LRMDA: variants seen among roughly 807,000 people sequenced by gnomAD.
The protein encoded by LRMDA is leucine rich melanocyte differentiation associated.
In LRMDA, 18 loss-of-function variants were observed where a neutral mutation model predicts 29.8. That is an observed-to-expected ratio of 0.60 (90% CI 0.42 to 0.90). The LOEUF is 0.90. LRMDA is among the 40% of genes least tolerant of loss of function. The pLI, the probability that LRMDA is intolerant of heterozygous loss-of-function variation, is 0.00. For synonymous variants in LRMDA, 125 were observed against 109.4 expected (o/e 1.14, Z -0.89); for missense variants, 273 against 273.9 (o/e 1.00, Z 0.02).
intron 3 of LRMDA, among the ~76,000 whole-genome samples, chr10:76,037,258 G>T (rs1187117804): frequency 1.3e-5 from 2 of 152,178 alleles, no homozygotes; most frequent in East Asian, 1.9e-4. Context: ...AGACTCAGTG[G>T]TCCAATGGCT....
At chr10:76,007,168 A>G (rs1431458438) in intron 2 of LRMDA, among the ~76,000 whole-genome samples, 3 of 152,088 alleles carry the variant, frequency 2.0e-5, no homozygotes, top group Non-Finnish European at 4.4e-5. Flanking sequence ...AAAGTGCTCA[A>G]ATTGAGCCAT....
rs1851416678 is a variant in LRMDA at position 76,201,015 on chromosome 10, C to T, written c.517-123386C>T. ...TACAGGCGTGAGCCACCATGCCTGG[C>T]CAATTTTTTTTATTTCGTAACGCTT... On this transcript the variant is annotated intron_variant, in intron 5 of 6. Coordinates refer to ENST00000611255, the MANE Select transcript of LRMDA (RefSeq NM_001305581.2). Among the ~76,000 whole-genome samples, 4 of 149,468 alleles carry T rather than the reference C, an allele frequency of 2.7e-5. No individual in the cohort carries two copies. In the South Asian group the frequency reaches 8.5e-4, roughly 32 times the overall value.
chr10:75,518,216 T>C (rs2132035838), intron 2 of LRMDA, among the ~76,000 whole-genome samples: 1 of 152,334 alleles, frequency 6.6e-6, no homozygotes, highest in African/African-American at 2.4e-5. Flanking sequence ...GCTGGCCTCA[T>C]AAAATGAGTT....
At chr10:76,363,158 A>AAAGG (rs1564520586) in intron 6 of LRMDA, among the ~76,000 whole-genome samples, 1 of 40,720 alleles carries the variant, frequency 2.5e-5, no homozygotes, top group East Asian at 3.4e-4. Context: ...AGAAAGAAAG[A>AAAGG]AAGAAAGAAA....
At chr10:75,572,046 C>A (rs193288170) in intron 2 of LRMDA, among the ~76,000 whole-genome samples, 1 of 152,228 alleles carries the variant, frequency 6.6e-6, no homozygotes, top group Non-Finnish European at 1.5e-5. Context: ...CTCTGCCTCC[C>A]GGGTTCAAGC....
intron 5 of LRMDA, among the ~76,000 whole-genome samples, chr10:76,304,746 A>G (rs536738156): frequency 6.6e-6 from 1 of 152,340 alleles, no homozygotes; most frequent in South Asian, 2.1e-4. Flanking sequence ...GCTGCCCTCA[A>G]GGAGCAAAGT....
At chr10:75,818,325 G>A (rs1844095635) in intron 2 of LRMDA, among the ~76,000 whole-genome samples, 1 of 152,146 alleles carries the variant, frequency 6.6e-6, no homozygotes, top group East Asian at 1.9e-4. Flanking sequence ...TAGTTTCACT[G>A]ATAAAGATAA....
intron 6 of LRMDA, among the ~76,000 whole-genome samples, chr10:76,442,516 C>T (rs1442576180): frequency 6.6e-6 from 1 of 152,054 alleles, no homozygotes; most frequent in African/African-American, 2.4e-5. Context: ...ATAGTGAGAC[C>T]CTGTCTCTAC....
At chr10:75,870,303 T>A (rs1045652598) in intron 2 of LRMDA, among the ~76,000 whole-genome samples, 11 of 152,228 alleles carry the variant, frequency 7.2e-5, no homozygotes, top group Admixed American at 1.3e-4. Context: ...GTGTAGTAGT[T>A]GCTGCAGAGA....
intron 2 of LRMDA, among the ~76,000 whole-genome samples, chr10:75,543,720 C>T (rs1840046290): frequency 6.6e-6 from 1 of 151,912 alleles, no homozygotes; most frequent in Non-Finnish European, 1.5e-5. Context: ...TTTTTCCTTT[C>T]CCATTTCTGG....
intron 6 of LRMDA, among the ~76,000 whole-genome samples, chr10:76,493,990 C>T (rs1053344145): frequency 1.3e-5 from 2 of 151,818 alleles, no homozygotes; most frequent in South Asian, 4.2e-4. Context: ...TTTATATGTA[C>T]CTTTAATTGA....
chr10:75,934,438 C>T (rs1846254112), intron 2 of LRMDA, among the ~76,000 whole-genome samples: 1 of 152,032 alleles, frequency 6.6e-6, no homozygotes, highest in African/African-American at 2.4e-5. Flanking sequence ...CCCTGGCTAC[C>T]CTTGGAGGTG....
intron 6 of LRMDA, among the ~76,000 whole-genome samples, chr10:76,384,558 A>G (rs950224451): frequency 2.0e-5 from 3 of 152,142 alleles, no homozygotes; most frequent in Non-Finnish European, 4.4e-5. Flanking sequence ...ATTGGACCTC[A>G]TCTTCACTTA....
chr10:76,015,404 G>T (rs1021357797), intron 2 of LRMDA, among the ~76,000 whole-genome samples: 1 of 152,136 alleles, frequency 6.6e-6, no homozygotes, highest in Non-Finnish European at 1.5e-5. Flanking sequence ...TGAAACTAAG[G>T]CCTCACTTTC....
chr10:76,271,852 T>C (rs537872538), intron 5 of LRMDA, among the ~76,000 whole-genome samples: 8 of 152,198 alleles, frequency 5.3e-5, no homozygotes, highest in Non-Finnish European at 1.0e-4. Flanking sequence ...TGTGAATTAA[T>C]TCCATATACT....
intron 5 of LRMDA, among the ~76,000 whole-genome samples, chr10:76,110,356 TA>T (rs1849557196): frequency 6.6e-6 from 1 of 152,226 alleles, no homozygotes; most frequent in Non-Finnish European, 1.5e-5. Flanking sequence ...TCTGGACTAT[TA>T]TAGTCCCCAA....
chr10:75,438,189 C>T (rs1844283427), intron 1 of LRMDA, among the ~76,000 whole-genome samples: 1 of 152,162 alleles, frequency 6.6e-6, no homozygotes, highest in African/African-American at 2.4e-5. Flanking sequence ...ATGTTAACTG[C>T]ACCAGGAAAG....
At chr10:75,889,823 T>A (rs1189654271) in intron 2 of LRMDA, among the ~76,000 whole-genome samples, 1 of 152,212 alleles carries the variant, frequency 6.6e-6, no homozygotes, top group Non-Finnish European at 1.5e-5. Flanking sequence ...GACCATTCTA[T>A]GATATGGTTA....
At chr10:75,516,283 G>T (rs1845287804) in intron 2 of LRMDA, among the ~76,000 whole-genome samples, 1 of 152,198 alleles carries the variant, frequency 6.6e-6, no homozygotes, top group African/African-American at 2.4e-5. Flanking sequence ...TCGCCACACT[G>T]TCTTCCACAA....
Sources: allele counts gnomAD v4.1 joint callset (sites outside exome capture counted in the v4.1 genomes callset), GRCh38; gene constraint gnomAD v4.1.1; transcripts MANE v1.5; gene names NCBI Gene and HGNC (gene_info 2026-07-23, HGNC 2026-07-21).